The following NPAS3 variants were observed in gnomAD, a reference collection of about 807,000 sequenced individuals.
The protein encoded by NPAS3 is neuronal PAS domain-containing protein 3.
A neutral mutation model predicts 73.1 loss-of-function variants in NPAS3; 14 were observed. That is an observed-to-expected ratio of 0.19 (90% CI 0.13 to 0.30). The LOEUF (loss-of-function observed/expected upper bound fraction) is 0.30, where lower values mean the gene tolerates loss of function less well. Among genes scored for constraint, NPAS3 ranks in the 10% least tolerant of loss-of-function variants. The pLI, the probability that NPAS3 is intolerant of heterozygous loss-of-function variation, is 1.00. For missense variants in NPAS3, 1,096 were observed against 1,250.0 expected (o/e 0.88, Z 1.86); for synonymous variants, 620 against 541.5 (o/e 1.14, Z -2.01).
At chr14:33,166,157 C>T (rs2045137573) in intron 2 of NPAS3, among the ~76,000 whole-genome samples, 1 of 152,150 alleles carries the variant, frequency 6.6e-6, no homozygotes, top group South Asian at 2.1e-4. Context: ...CTCCCCCTCA[C>T]CCCTCGGTTC....
chr14:33,276,588 A>C (rs993193582), intron 3 of NPAS3, among the ~76,000 whole-genome samples: 1 of 152,098 alleles, frequency 6.6e-6, no homozygotes, highest in African/African-American at 2.4e-5. Context: ...TAACTCTGAG[A>C]TCCTAAATAA....
At chr14:33,485,285 T>C (rs2051528833) in intron 4 of NPAS3, among the ~76,000 whole-genome samples, 1 of 152,158 alleles carries the variant, frequency 6.6e-6, no homozygotes, top group South Asian at 2.1e-4. Context: ...GCAACAGAGA[T>C]TGGCTAAACA....
intron 2 of NPAS3, among the ~76,000 whole-genome samples, chr14:33,068,174 A>G (rs905893923): frequency 3.9e-5 from 6 of 152,148 alleles, no homozygotes; most frequent in Admixed American, 1.3e-4. Context: ...TTTCTAACAT[A>G]TTTTCCTGCT....
At chr14:33,496,179 C>G (rs2052176230) in intron 4 of NPAS3, among the ~76,000 whole-genome samples, 1 of 152,064 alleles carries the variant, frequency 6.6e-6, no homozygotes, top group South Asian at 2.1e-4. Flanking sequence ...AGACCGATAA[C>G]AAGTTTTGAA....
chr14:33,608,264 C>G (rs1259195146), intron 5 of NPAS3, among the ~76,000 whole-genome samples: 1 of 152,114 alleles, frequency 6.6e-6, no homozygotes, highest in African/African-American at 2.4e-5. Flanking sequence ...TTTCCAGTCC[C>G]TTTCATTTAG....
At chr14:33,518,557 C>A (rs961623218) in intron 4 of NPAS3, among the ~76,000 whole-genome samples, 1 of 150,706 alleles carries the variant, frequency 6.6e-6, no homozygotes, top group African/African-American at 2.4e-5. Flanking sequence ...TCTGTTCTCT[C>A]TTTCTACTCA....
At chr14:33,671,906 C>T (rs1297482176) in intron 5 of NPAS3, among the ~76,000 whole-genome samples, 2 of 151,998 alleles carry the variant, frequency 1.3e-5, no homozygotes, top group Non-Finnish European at 2.9e-5. Flanking sequence ...CAGAAGAACA[C>T]ATTATTGGAG....
At chr14:33,600,488 A>C (rs1006225408) in intron 5 of NPAS3, among the ~76,000 whole-genome samples, 1 of 152,368 alleles carries the variant, frequency 6.6e-6, no homozygotes, top group Admixed American at 6.5e-5. Flanking sequence ...ACAAATGTAA[A>C]CTGAATGAAT....
chr14:33,735,894 A>G (rs953620576), intron 7 of NPAS3, among the ~76,000 whole-genome samples: 7 of 152,198 alleles, frequency 4.6e-5, no homozygotes, highest in African/African-American at 1.7e-4. Flanking sequence ...GTTCCTCACA[A>G]GCAAAGACCA....
In NPAS3 at chr14:33,800,007, T is replaced by C. The variant is rs2063641117; in HGVS notation, c.1700T>C (p.Leu567Pro). ...CGCTACGTGGAGAGCGAGTCGGACC[T>C]GCGGCTGCAGAACTGCGAGTCACTC... Residue 567 changes from leucine (L) to proline (P), a missense_variant, in exon 12 of 12, where the codon CTG becomes CCG. Physicochemically the swap from Leu to Pro is moderately conservative, Grantham distance 98. Coordinates refer to ENST00000356141, the Ensembl canonical transcript of NPAS3. The surrounding 1 kb of genome is among the most constrained non-coding windows in gnomAD (Gnocchi z 6.5). 1.2e-6 allele frequency: 2 copies of C among 1,612,284 alleles called. No homozygotes were observed. Among genetic ancestry groups the C allele is most frequent in the African/African-American group, 2.7e-5 (2 of 74,920 alleles).
chr14:33,204,974 A>G (rs752295142), intron 2 of NPAS3, among the ~76,000 whole-genome samples: 1 of 152,178 alleles, frequency 6.6e-6, no homozygotes, highest in Non-Finnish European at 1.5e-5. Context: ...TCTCATGCTC[A>G]ATTTGGATCC....
chr14:33,547,362 C>G (rs1403867190), intron 4 of NPAS3, among the ~76,000 whole-genome samples: 1 of 152,152 alleles, frequency 6.6e-6, no homozygotes, highest in South Asian at 2.1e-4. Flanking sequence ...AAGAGTCTAT[C>G]CCCAATATTC....
At chr14:33,221,203 G>C (rs946405643) in intron 3 of NPAS3, among the ~76,000 whole-genome samples, 3 of 152,122 alleles carry the variant, frequency 2.0e-5, no homozygotes, top group Non-Finnish European at 4.4e-5. Flanking sequence ...TAAGAAGGGT[G>C]AACAAAAACA....
chr14:33,256,165 C>T (rs903556886), intron 3 of NPAS3, among the ~76,000 whole-genome samples: 1 of 152,080 alleles, frequency 6.6e-6, no homozygotes, highest in South Asian at 2.1e-4. Flanking sequence ...GTTGTAGTTT[C>T]GTGTAAGAGA....
chr14:33,420,548 C>T (rs1194978861), intron 4 of NPAS3, among the ~76,000 whole-genome samples: 1 of 151,654 alleles, frequency 6.6e-6, no homozygotes, highest in Non-Finnish European at 1.5e-5. Context: ...TACATTAAGG[C>T]AACATATGGG....
chr14:33,423,884 C>G (rs2048450609), intron 4 of NPAS3, among the ~76,000 whole-genome samples: 1 of 151,888 alleles, frequency 6.6e-6, no homozygotes, highest in African/African-American at 2.4e-5. Context: ...AAGAAACCAA[C>G]CTGTCTACCT....
chr14:33,387,295 G>A (rs997558004), intron 4 of NPAS3, among the ~76,000 whole-genome samples: 2 of 152,112 alleles, frequency 1.3e-5, no homozygotes, highest in Admixed American at 6.5e-5. Context: ...TTGGGTATTC[G>A]AGGTTGGATG....
At chr14:33,718,318 C>A (rs1566462271) in intron 6 of NPAS3, among the ~76,000 whole-genome samples, 1 of 152,056 alleles carries the variant, frequency 6.6e-6, no homozygotes, top group African/African-American at 2.4e-5. Flanking sequence ...TTTCTTGCTA[C>A]CCTACATCTT....
chr14:33,587,406 T>G (rs1259777220), intron 5 of NPAS3, among the ~76,000 whole-genome samples: 1 of 152,224 alleles, frequency 6.6e-6, no homozygotes, highest in Non-Finnish European at 1.5e-5. Flanking sequence ...AACTGTCTAG[T>G]GCAAGCCCTA....
Sources: gnomAD v4.1 joint callset for allele counts (sites outside exome capture counted in the v4.1 genomes callset) on GRCh38, gnomAD v4.1.1 for gene constraint, Gnocchi (gnomAD v3.1) non-coding constraint, MANE v1.5 for transcripts, NCBI Gene and HGNC (gene_info 2026-07-23, HGNC 2026-07-21) for gene names.